TTC28: variants seen among roughly 807,000 people sequenced by gnomAD.
TTC28 encodes the protein tetratricopeptide repeat domain 28.
TTC28 carries 61 observed loss-of-function variants against 198.0 expected under a neutral mutation model. The observed-to-expected ratio is 0.31, with a 90% CI of 0.25 to 0.38. The LOEUF is 0.38. Ranked by LOEUF, TTC28 falls within the 10% of genes least tolerant of loss-of-function variation. TTC28 has a pLI of 1.00. For missense variants in TTC28, 2,678 were observed against 3,164.0 expected (o/e 0.85, Z 3.69); for synonymous variants, 1,171 against 1,297.8 (o/e 0.90, Z 2.10).
At chr22:28,157,890 A>G (rs573176673) in intron 6 of TTC28, among the ~76,000 whole-genome samples, 171 of 152,332 alleles carry the variant, frequency 1.1e-3, no homozygotes, top group Middle Eastern at 3.4e-3. Flanking sequence ...ACTGTTATTC[A>G]ACATAGTACT....
chr22:28,371,993 G>C (rs1026044358), intron 2 of TTC28, among the ~76,000 whole-genome samples: 1 of 151,952 alleles, frequency 6.6e-6, no homozygotes, highest in Non-Finnish European at 1.5e-5. Context: ...GGAGGCTAAG[G>C]TGGGAGGATT....
intron 6 of TTC28, among the ~76,000 whole-genome samples, chr22:28,134,628 C>T (rs1472425551): frequency 1.3e-5 from 2 of 151,892 alleles, no homozygotes; most frequent in African/African-American, 4.8e-5. Flanking sequence ...TGAAATGAAG[C>T]GAGAAGAGAA....
intron 12 of TTC28, among the ~76,000 whole-genome samples, chr22:28,051,759 A>G (rs1940096169): frequency 6.6e-6 from 1 of 152,172 alleles, no homozygotes; most frequent in African/African-American, 2.4e-5. Context: ...TTTAAATAAC[A>G]ATAATAAAGA....
intron 2 of TTC28, among the ~76,000 whole-genome samples, chr22:28,362,388 G>A (rs1184434273): frequency 6.6e-6 from 1 of 151,978 alleles, no homozygotes; most frequent in Non-Finnish European, 1.5e-5. Flanking sequence ...CAGCCACATG[G>A]AACTGCAAGT....
At chr22:28,338,511 C>T (rs2045771345) in intron 2 of TTC28, among the ~76,000 whole-genome samples, 2 of 152,134 alleles carry the variant, frequency 1.3e-5, no homozygotes, top group Admixed American at 1.3e-4. Flanking sequence ...CACATAGTCC[C>T]ATATTTCTTG....
rs6005804 is a variant in TTC28, at chr22:28,524,602, C to T, written c.381+104950G>A. Reference sequence around the variant, plus strand: ...ACAATCCTTGGCGAAATGGTGAAAACCTGTCTCTACCAAAAATACAAAAAA... The same window carrying T: ...ACAATCCTTGGCGAAATGGTGAAAATCTGTCTCTACCAAAAATACAAAAAA... On this transcript the variant is annotated intron_variant, in intron 2 of 22. Transcript: ENST00000397906. Among the ~76,000 whole-genome samples, 1,246 of 152,052 alleles carry T rather than the reference C, an allele frequency of 8.2e-3. 19 individuals carry two copies. The highest frequency in any genetic ancestry group is 0.028 in the African/African-American group (1,150 of 41,474).
chr22:28,191,697 G>C (rs530523898), intron 5 of TTC28, among the ~76,000 whole-genome samples: 1 of 152,200 alleles, frequency 6.6e-6, no homozygotes, highest in Non-Finnish European at 1.5e-5. Flanking sequence ...CATTGCTAGC[G>C]CAGCAGTCTG....
chr22:28,048,508 C>T (rs989122300), intron 12 of TTC28, among the ~76,000 whole-genome samples: 6 of 151,570 alleles, frequency 4.0e-5, no homozygotes, highest in African/African-American at 1.2e-4. Flanking sequence ...ATATCTGGGT[C>T]GGGGTGGGGC....
At chr22:28,257,733 A>AATTTT in intron 5 of TTC28, among the ~76,000 whole-genome samples, 1 of 103,700 alleles carries the variant, frequency 9.6e-6, no homozygotes, top group South Asian at 3.0e-4. Flanking sequence ...TTAGATGGTA[A>AATTTT]TAGAACATAT....
intron 2 of TTC28, among the ~76,000 whole-genome samples, chr22:28,324,262 G>A (rs1456916122): frequency 6.6e-6 from 1 of 152,016 alleles, no homozygotes; most frequent in Non-Finnish European, 1.5e-5. Context: ...GACCAGCCTA[G>A]GCAACATGGC....
intron 13 of TTC28, among the ~76,000 whole-genome samples, chr22:28,026,303 T>C (rs1477760203): frequency 1.3e-5 from 2 of 152,092 alleles, no homozygotes. Flanking sequence ...CTCCATAACA[T>C]GCGGTTGAGG....
At chr22:28,392,659 C>T (rs561369888) in intron 2 of TTC28, among the ~76,000 whole-genome samples, 37 of 152,326 alleles carry the variant, frequency 2.4e-4, no homozygotes, top group Admixed American at 1.0e-3. Context: ...TCCCTGACTC[C>T]TTGCGCTTCC....
At chr22:28,233,775 C>T (rs950165138) in intron 5 of TTC28, among the ~76,000 whole-genome samples, 1 of 152,174 alleles carries the variant, frequency 6.6e-6, no homozygotes, top group Non-Finnish European at 1.5e-5. Flanking sequence ...GATGGAGTCT[C>T]ATTCTGTCGC....
At chr22:28,264,796 A>C (rs1931569380) in intron 5 of TTC28, among the ~76,000 whole-genome samples, 1 of 152,276 alleles carries the variant, frequency 6.6e-6, no homozygotes, top group Non-Finnish European at 1.5e-5. Context: ...TGCTGAATTG[A>C]AAGTACCTGT....
At chr22:28,265,203 A>C (rs1196759171) in intron 5 of TTC28, among the ~76,000 whole-genome samples, 1 of 152,204 alleles carries the variant, frequency 6.6e-6, no homozygotes, top group Non-Finnish European at 1.5e-5. Context: ...CAATTAATAG[A>C]ACTATAAGAC....
At chr22:28,538,429 T>C (rs1482252941) in intron 2 of TTC28, among the ~76,000 whole-genome samples, 1 of 151,848 alleles carries the variant, frequency 6.6e-6, no homozygotes, top group Non-Finnish European at 1.5e-5. Context: ...TGTGATAGTA[T>C]AAATAAGAAA....
intron 2 of TTC28, among the ~76,000 whole-genome samples, chr22:28,342,113 T>C (rs1348099626): frequency 6.6e-6 from 1 of 152,216 alleles, no homozygotes; most frequent in African/African-American, 2.4e-5. Flanking sequence ...AGAGCTAAAA[T>C]TGTTTTTTGT....
intron 2 of TTC28, among the ~76,000 whole-genome samples, chr22:28,405,993 T>C (rs1166550232): frequency 6.6e-6 from 1 of 152,248 alleles, no homozygotes; most frequent in African/African-American, 2.4e-5. Flanking sequence ...ACACTGTCAC[T>C]TCAATAAAAG....
At chr22:28,053,863 C>T (rs1032611734) in intron 12 of TTC28, among the ~76,000 whole-genome samples, 17 of 152,142 alleles carry the variant, frequency 1.1e-4, no homozygotes, top group African/African-American at 4.1e-4. Context: ...AGAAACTGTT[C>T]ATTGGTATCC....
Sources: gnomAD v4.1 joint callset for allele counts (sites outside exome capture counted in the v4.1 genomes callset) on GRCh38, gnomAD v4.1.1 for gene constraint, MANE v1.5 for transcripts, NCBI Gene and HGNC (gene_info 2026-07-23, HGNC 2026-07-21) for gene names.